The following MICAL2 variants were observed in gnomAD, a reference collection of about 807,000 sequenced individuals.
MICAL2 encodes microtubule associated monooxygenase, calponin and LIM domain containing 2, also known as [F-actin]-monooxygenase MICAL2.
In MICAL2, 77 loss-of-function variants were observed where a neutral mutation model predicts 127.3. The observed-to-expected ratio is 0.60, with a 90% confidence interval of 0.50 to 0.73. The LOEUF (loss-of-function observed/expected upper bound fraction) is 0.73, where lower values mean the gene tolerates loss of function less well. Among genes scored for constraint, MICAL2 ranks in the 30% least tolerant of loss-of-function variants. The pLI is 0.00. For missense variants in MICAL2, 1,351 were observed against 1,434.4 expected, an observed-to-expected ratio of 0.94 and a Z score of 0.94; for synonymous variants, 570 against 551.1, an observed-to-expected ratio of 1.03 and a Z score of -0.48.
At chr11:12,188,137 C>A (rs77910008) in intron 3 of MICAL2, among the ~76,000 whole-genome samples, 7,305 of 152,232 alleles carry the variant, frequency 0.048, 460 homozygotes, top group African/African-American at 0.14. Context: ...CTGCGCTGTA[C>A]ATATAAAATA....
At chr11:12,228,746 C>T (rs1044293866) in intron 15 of MICAL2, among the ~76,000 whole-genome samples, 4 of 152,140 alleles carry the variant, frequency 2.6e-5, no homozygotes, top group African/African-American at 9.7e-5. Context: ...GACAGGGAAG[C>T]CAGCCAGGGT....
chr11:12,200,356 C>T (rs1860542194), intron 3 of MICAL2, among the ~76,000 whole-genome samples: 1 of 152,216 alleles, frequency 6.6e-6, no homozygotes, highest in African/African-American at 2.4e-5. Context: ...GTCGAGTTAT[C>T]ACAACCCTTT....
intron 16 of MICAL2, among the ~76,000 whole-genome samples, chr11:12,238,474 A>G (rs1399063103): frequency 1.3e-5 from 2 of 152,208 alleles, no homozygotes; most frequent in Non-Finnish European, 2.9e-5. Flanking sequence ...AGAGCATTTC[A>G]CCTCGGTGGT....
intron 32 of MICAL2, among the ~76,000 whole-genome samples, chr11:12,348,747 G>C (rs1205830895): frequency 1.3e-5 from 2 of 152,168 alleles, no homozygotes; most frequent in Non-Finnish European, 2.9e-5. Context: ...TGCTTACTGT[G>C]AACTTGGGCA....
intron 2 of MICAL2, chr11:12,281,213 T>C (rs7940285): frequency 0.33 from 130,254 of 397,120 alleles, 24,185 homozygotes; most frequent in East Asian, 0.68. Flanking sequence ...CCCTCAGGCT[T>C]CAAGGCGGTG....
Position 12,148,797 on chromosome 11 carries a change from A to G in MICAL2, c.-78+10337A>G, listed in dbSNP as rs568420988. Among the ~76,000 whole-genome samples, 6 of 147,566 alleles carry G rather than the reference A, an allele frequency of 4.1e-5. 1 individual carries two copies. The South Asian group carries it at 1.4e-3, about 33-fold the overall frequency. On this transcript the variant is annotated intron_variant, in intron 2 of 27. Transcript: ENST00000683283. ...AAAACCATCATACAAACTTCCCCAGAGTACAGTGTAGAAAAGGGGGCCCAG... is the reference window on the plus strand; with the variant it reads ...AAAACCATCATACAAACTTCCCCAGGGTACAGTGTAGAAAAGGGGGCCCAG...
chr11:12,148,480 T>G (rs1426292777), intron 2 of MICAL2, among the ~76,000 whole-genome samples: 1 of 151,722 alleles, frequency 6.6e-6, no homozygotes, highest in Non-Finnish European at 1.5e-5. Flanking sequence ...AGCTGGTGAG[T>G]TGGGAAGGGG....
downstream of MICAL2, chr11:12,287,401 A>G: frequency 2.9e-6 from 1 of 342,692 alleles, no homozygotes; most frequent in African/African-American, 2.1e-5. Flanking sequence ...TGGCTCAGGA[A>G]TTATGGAGCC....
intron 21 of MICAL2, 135 bp downstream of exon 21, chr11:12,244,247 C>T (rs941047619): frequency 8.1e-7 from 1 of 1,239,154 alleles, no homozygotes; most frequent in Non-Finnish European, 1.2e-6. Context: ...TACACCAGTG[C>T]TGGATTCAAT....
At chr11:12,161,976 T>G (rs1854859469) in intron 2 of MICAL2, 103 bp from the exon 3 acceptor site, 1 of 683,922 alleles carries the variant, frequency 1.5e-6, no homozygotes, top group South Asian at 1.9e-5. Flanking sequence ...GTGTGGTTAA[T>G]ATTTGAATGT....
chr11:12,224,068 C>T (rs1857126446), intron 12 of MICAL2, among the ~76,000 whole-genome samples: 1 of 152,194 alleles, frequency 6.6e-6, no homozygotes, highest in Admixed American at 6.5e-5. Context: ...CCCTCCCCTC[C>T]ACACACCACG....
intron 12 of MICAL2, chr11:12,224,303 G>A: frequency 5.0e-6 from 1 of 199,290 alleles, no homozygotes. Context: ...GCAGACTCAG[G>A]CAAACCTGCT....
intron 27 of MICAL2, 80 bp downstream of exon 27, chr11:12,262,617 A>G (rs1485328393): frequency 1.7e-6 from 2 of 1,204,020 alleles, no homozygotes; most frequent in Admixed American, 1.7e-5. Context: ...CTCCGCCAGC[A>G]GTACTGGTTG....
intron 1 of MICAL2, among the ~76,000 whole-genome samples, chr11:12,126,607 C>T (rs1417509204): frequency 1.3e-5 from 2 of 151,832 alleles, no homozygotes; most frequent in Non-Finnish European, 2.9e-5. Flanking sequence ...CTACTATGTG[C>T]CCTAGGCTCT....
intron 2 of MICAL2, among the ~76,000 whole-genome samples, chr11:12,155,661 C>T (rs1420183970): frequency 6.6e-6 from 1 of 152,234 alleles, no homozygotes; most frequent in African/African-American, 2.4e-5. Context: ...ACTTCTCTCT[C>T]TCTTTTTAAG....
At position 12,226,188 on chromosome 11, in the gene MICAL2, A is replaced by G; in HGVS notation, c.1706A>G (p.Asn569Ser). The stretch of plus-strand genomic sequence containing the variant: ...TTCTCTAGCAACTTTGACTCTTTGA[A>G]TGAAGATGATGCTGTGGAGAACAAC... ...RPELINFDSL[N>S]EDDAVENNQL... Residue 569 changes from asparagine to serine, a missense_variant, in exon 14 of 28, where the codon AAT (asparagine) becomes AGT (serine). Coordinates refer to ENST00000683283, the MANE Select transcript of MICAL2 (RefSeq NM_001282663.2). 6.2e-7 allele frequency: 1 copy of G among 1,614,210 alleles called. No homozygotes were observed. The highest frequency in any genetic ancestry group is 8.5e-7 in the Non-Finnish European group (1 of 1,180,044).
At position 12,162,164 on chromosome 11, in the gene MICAL2, A is replaced by C. The variant is rs1215231150; in HGVS notation, c.9A>C (p.Glu3Asp). The change falls in exon 3 of 28, where the codon GAA (glutamate) becomes GAC (aspartate). Residue 3 changes from glutamate (E) to aspartate (D), a missense_variant. This residue lies in a region of MICAL2 where 599 missense variants were observed against 714.9 expected (regional missense o/e 0.84). Coordinates refer to ENST00000683283, the MANE Select transcript of MICAL2 (RefSeq NM_001282663.2). MG[E>D]NEDEKQAQAG... ...CACACGACTCCTGAACCATGGGGGA[A>C]AACGAGGATGAGAAGCAGGCCCAGG... 1 of 1,614,186 alleles carries C rather than the reference A, an allele frequency of 6.2e-7. No homozygotes were observed. The highest frequency in any genetic ancestry group is 8.5e-7 in the Non-Finnish European group (1 of 1,180,040).
At chr11:12,327,402 C>A in intron 32 of MICAL2, 1 of 705,614 alleles carries the variant, frequency 1.4e-6, no homozygotes, top group East Asian at 2.8e-5. Context: ...CCACAAGTGC[C>A]GCACACTTTA....
At chr11:12,225,854 A>C (rs1453276493) in intron 13 of MICAL2, 1 of 219,130 alleles carries the variant, frequency 4.6e-6, no homozygotes, top group Non-Finnish European at 7.8e-6. Flanking sequence ...TTTGTAATTA[A>C]AAAGAAAAAA....
Sources: allele counts gnomAD v4.1 joint callset (sites outside exome capture counted in the v4.1 genomes callset), GRCh38; gene constraint gnomAD v4.1.1; regional missense constraint gnomAD v4.1.1; transcripts MANE v1.5; gene names NCBI Gene and HGNC (gene_info 2026-07-23, HGNC 2026-07-21).